CRTC3: variants seen among roughly 807,000 people sequenced by gnomAD.
CRTC3 encodes CREB regulated transcription coactivator 3.
In CRTC3, 26 loss-of-function variants were observed where a neutral mutation model predicts 74.5. The ratio of observed to expected loss-of-function variants is 0.35; its 90% CI spans 0.26 to 0.48. The LOEUF (loss-of-function observed/expected upper bound fraction) is 0.48, where lower values mean the gene tolerates loss of function less well. Ranked by LOEUF, CRTC3 falls within the 20% of genes least tolerant of loss-of-function variation. The pLI is 0.99. For missense variants in CRTC3, 760 were observed against 787.3 expected, an observed-to-expected ratio of 0.97 and a Z score of 0.41; for synonymous variants, 377 against 325.8, an observed-to-expected ratio of 1.16 and a Z score of -1.69.
intron 1 of CRTC3, among the ~76,000 whole-genome samples, chr15:90,532,063 A>G (rs1393535589): frequency 6.6e-6 from 1 of 152,158 alleles, no homozygotes; most frequent in Non-Finnish European, 1.5e-5. Context: ...TTCAGTCACC[A>G]CTTTATTCTA....
chr15:90,539,928 T>G, intron 1 of CRTC3, 111 bp from the exon 2 acceptor site: 1 of 773,774 alleles, frequency 1.3e-6, no homozygotes, highest in Non-Finnish European at 2.2e-6. Context: ...CGAGAAGAAA[T>G]TGAAACAAGA....
chr15:90,597,974 G>T (rs1596111567), intron 3 of CRTC3: 1 of 157,068 alleles, frequency 6.4e-6, no homozygotes, highest in African/African-American at 2.4e-5. Flanking sequence ...ACATGGCTGA[G>T]CAATCAGGAA....
chr15:90,551,109 G>A (rs1596077096), intron 2 of CRTC3, among the ~76,000 whole-genome samples: 2 of 152,058 alleles, frequency 1.3e-5, no homozygotes, highest in African/African-American at 4.8e-5. Flanking sequence ...GACTCCTCCC[G>A]ACTGAGTCTC....
At chr15:90,565,019 C>T (rs1344185598) in intron 2 of CRTC3, among the ~76,000 whole-genome samples, 4 of 152,026 alleles carry the variant, frequency 2.6e-5, no homozygotes, top group African/African-American at 4.8e-5. Context: ...CTTGGCTCAC[C>T]GCAACCTCTG....
At chr15:90,590,183 C>T (rs549221957) in intron 2 of CRTC3, among the ~76,000 whole-genome samples, 2 of 151,726 alleles carry the variant, frequency 1.3e-5, no homozygotes, top group East Asian at 3.9e-4. Flanking sequence ...ATCCCAGCTA[C>T]TGGGGAGGCT....
chr15:90,643,788 C>T lies in CRTC3; in HGVS notation c.*1648C>T, dbSNP rs77606292. On this transcript the variant is annotated 3_prime_UTR_variant, in exon 15 of 15. Coordinates refer to ENST00000268184, the MANE Select transcript of CRTC3 (RefSeq NM_022769.5). The stretch of plus-strand genomic sequence containing the variant: ...GAGGAGGAGAACCCTGAAGGAGAGA[C>T]GGAAGATGCCAGGACCTTTGCTTGG... The T allele has an allele frequency of 9.4e-3, 2,176 of 232,690 alleles. 62 individuals are homozygous for T. Among genetic ancestry groups the T allele is most frequent in the African/African-American group, 0.045 (2,026 of 45,288 alleles). 14.4% of individuals were successfully genotyped at this position (232,690 alleles called of 1,614,324 possible). A position where few individuals can be genotyped will look rare whatever the true frequency, so the allele number is the denominator to read the frequency against.
chr15:90,574,375 G>A (rs1212777816), intron 2 of CRTC3, among the ~76,000 whole-genome samples: 4 of 152,108 alleles, frequency 2.6e-5, no homozygotes, highest in Non-Finnish European at 5.9e-5. Flanking sequence ...CTACTCAGGA[G>A]GCTGAGGCAG....
chr15:90,532,168 C>T (rs1236334343), intron 1 of CRTC3, among the ~76,000 whole-genome samples: 1 of 152,164 alleles, frequency 6.6e-6, no homozygotes, highest in African/African-American at 2.4e-5. Context: ...TGGCCAGTTA[C>T]CAGTAAAGTA....
intron 2 of CRTC3, among the ~76,000 whole-genome samples, chr15:90,546,400 T>TGTC (rs1284590014): frequency 2.0e-5 from 3 of 152,190 alleles, no homozygotes; most frequent in Non-Finnish European, 2.9e-5. Flanking sequence ...TTTCTTTGTC[T>TGTC]ATCATTTTGC....
chr15:90,628,082 C>T (rs773461318), intron 10 of CRTC3, among the ~76,000 whole-genome samples: 30 of 151,032 alleles, frequency 2.0e-4, no homozygotes, highest in Non-Finnish European at 3.4e-4. Context: ...CCAGGCGTGG[C>T]GGCACATGCC....
chr15:90,556,023 TAA>T (rs909895684), intron 2 of CRTC3, among the ~76,000 whole-genome samples: 37 of 152,150 alleles, frequency 2.4e-4, no homozygotes, highest in African/African-American at 7.7e-4. Context: ...ATTTTAATGT[TAA>T]GTTTATTTTT....
At chr15:90,607,731 C>T (rs1968262261) in intron 6 of CRTC3, among the ~76,000 whole-genome samples, 3 of 152,152 alleles carry the variant, frequency 2.0e-5, no homozygotes, top group African/African-American at 7.2e-5. Flanking sequence ...TCTGGGCACC[C>T]GTCATCTTCT....
chr15:90,614,416 A>G, intron 6 of CRTC3, 37 bp from the exon 7 acceptor site: 1 of 1,499,564 alleles, frequency 6.7e-7, no homozygotes. Context: ...GTACCACATA[A>G]AAGTGTTTTC....
intron 5 of CRTC3, 92 bp from the exon 6 acceptor site, chr15:90,607,286 C>A: frequency 1.3e-6 from 1 of 754,092 alleles, no homozygotes. Flanking sequence ...GTTATTCTTG[C>A]CTTCTTTCCT....
Position 90,642,630 on chromosome 15 carries a change from G to A in CRTC3, c.*490G>A, listed in dbSNP as rs78300345. 10,161 of 244,696 alleles carry A rather than the reference G, an allele frequency of 0.042. 1,022 individuals are homozygous for A. Among genetic ancestry groups the A allele is most frequent in the African/African-American group, 0.21 (9,409 of 45,406 alleles). 15.2% of individuals were successfully genotyped at this position (244,696 alleles called of 1,614,324 possible). On this transcript the variant is annotated 3_prime_UTR_variant, in exon 15 of 15. Transcript: ENST00000268184. ...GACCCAGAGGGCGAGGCCCTCCAGC[G>A]GGGGACATTCCCAGGCTGAGTGGAC...
chr15:90,629,170 A>G, intron 10 of CRTC3, 64 bp from the exon 11 acceptor site: 1 of 1,500,454 alleles, frequency 6.7e-7, no homozygotes. Context: ...GTTTTCTTTC[A>G]TTTTTGGAAT....
chr15:90,626,019 C>T (rs1194204300), intron 10 of CRTC3, 26 bp downstream of exon 10: 1 of 1,587,634 alleles, frequency 6.3e-7, no homozygotes, highest in Non-Finnish European at 8.7e-7. Context: ...TTAGCAGTGA[C>T]CTGGTGGCTT....
At position 90,545,821 on chromosome 15, in the gene CRTC3, G is replaced by T. The variant is rs531331895; in HGVS notation, c.231+5684G>T. 7.9e-4 allele frequency among the ~76,000 whole-genome samples: 120 copies of T among 151,836 alleles called. 2 individuals are homozygous for T. Among genetic ancestry groups the T allele is most frequent in the Non-Finnish European group, 2.4e-4 (16 of 67,904 alleles). ...TCTCCATCTCCTGACTTTGTGATCC[G>T]CCCGCCTTGGCCTCCCAAAGTGCTG... On this transcript the variant is annotated intron_variant, in intron 2 of 14. Coordinates refer to ENST00000268184, the MANE Select transcript of CRTC3 (RefSeq NM_022769.5).
chr15:90,570,154 T>C (rs1420436339), intron 2 of CRTC3, among the ~76,000 whole-genome samples: 1 of 152,234 alleles, frequency 6.6e-6, no homozygotes, highest in African/African-American at 2.4e-5. Context: ...TTGTCTTTAG[T>C]GTCTTTTTGA....
Sources: allele counts gnomAD v4.1 joint callset (sites outside exome capture counted in the v4.1 genomes callset), GRCh38; gene constraint gnomAD v4.1.1; transcripts MANE v1.5; gene names NCBI Gene and HGNC (gene_info 2026-07-23, HGNC 2026-07-21).